Variants in SOCS2 observed in about 807,000 individuals in gnomAD.
SOCS2 encodes the protein suppressor of cytokine signaling 2.
In SOCS2, 10 loss-of-function variants were observed where a neutral mutation model predicts 18.6. That is an observed-to-expected ratio of 0.54 (90% confidence interval 0.33 to 0.91). SOCS2 has a LOEUF of 0.91. Among genes scored for constraint, SOCS2 ranks in the 40% least tolerant of loss-of-function variants. SOCS2 has a pLI of 0.02. For synonymous variants in SOCS2, 104 were observed against 104.0 expected (o/e 1.00, Z 0.00); for missense variants, 231 against 247.2 (o/e 0.93, Z 0.44).
In SOCS2 at chr12:93,574,970, G is replaced by A; in HGVS notation, c.388G>A (p.Val130Ile). The A allele has an allele frequency of 2.5e-6, 4 of 1,614,124 alleles. No individual in the cohort carries two copies. Among genetic ancestry groups the A allele is most frequent in the African/African-American group, 1.3e-5 (1 of 75,008 alleles). Residue 130 changes from valine to isoleucine, a missense_variant, in exon 2 of 2, where the codon GTT (valine) becomes ATT (isoleucine). This residue lies in a region of SOCS2 where 122 missense variants were observed against 127.2 expected (regional missense o/e 0.96). Transcript: ENST00000551556. Reference protein sequence around the residue: ...DSVVHLIDYYVQMCKDKRTGP... With the variant: ...DSVVHLIDYYIQMCKDKRTGP... ...TGTGGTTCATCTGATCGACTACTATGTTCAGATGTGCAAGGATAAGCGGAC... is the reference window on the plus strand; with the variant it reads ...TGTGGTTCATCTGATCGACTACTATATTCAGATGTGCAAGGATAAGCGGAC...
downstream of SOCS2, among the ~76,000 whole-genome samples, chr12:93,587,409 C>T (rs557704860): frequency 6.6e-6 from 1 of 152,230 alleles, no homozygotes; most frequent in East Asian, 1.9e-4. Flanking sequence ...TGGCTGGGCG[C>T]AGTGGCTCAC....
At chr12:93,620,997 G>T in the SOCS2 span, among the ~76,000 whole-genome samples, 1 of 152,174 alleles carries the variant, frequency 6.6e-6, no homozygotes, top group Non-Finnish European at 1.5e-5. Context: ...GCCCAGGTGA[G>T]GAGAGCTGCA....
chr12:93,593,186 A>C, the SOCS2 span, among the ~76,000 whole-genome samples: 1 of 152,082 alleles, frequency 6.6e-6, no homozygotes, highest in Admixed American at 6.6e-5. Context: ...GTGGTTCTGG[A>C]GAGGGAATTA....
Position 93,575,151 on chromosome 12 carries a change from A to T in SOCS2, c.569A>T (p.Tyr190Phe). Residue 190 changes from tyrosine to phenylalanine, a missense_variant, in exon 2 of 2, where the codon TAC becomes TTC. Physicochemically the swap from Tyr to Phe is conservative, Grantham distance 22. Around this residue, in one of 3 missense-constraint regions of SOCS2, gnomAD observed 122 missense variants for 127.2 expected, o/e 0.96. Transcript: ENST00000551556. Reference sequence around the variant, plus strand: ...CCTTTACCAACAAGACTAAAAGATTACTTGGAAGAATATAAATTCCAGGTA... The same window carrying T: ...CCTTTACCAACAAGACTAAAAGATTTCTTGGAAGAATATAAATTCCAGGTA... The part of the protein sequence containing the change: ...GLPLPTRLKD[Y>F]LEEYKFQV The T allele has an allele frequency of 6.4e-7, 1 of 1,555,698 alleles. No homozygotes were observed. The highest frequency in any genetic ancestry group is 8.6e-7 in the Non-Finnish European group (1 of 1,156,444).
chr12:93,574,871 A>G lies in SOCS2; in HGVS notation c.289A>G (p.Ile97Val). The change falls in exon 2 of 2, where the codon ATC (isoleucine) becomes GTC (valine). Residue 97 changes from isoleucine (I) to valine (V), a missense_variant. Transcript: ENST00000551556. ...KTSAGPTNLR[I>V]EYQDGKFRLD... is the part of the protein sequence containing the mutation. ...ATCAGCTGGACCAACTAATCTTCGA[A>G]TCGAATACCAAGACGGAAAATTCAG... 1 of 1,614,230 alleles carries G rather than the reference A, an allele frequency of 6.2e-7. No individual in the cohort carries two copies. The highest frequency in any genetic ancestry group is 8.5e-7 in the Non-Finnish European group (1 of 1,180,042).
At chr12:93,594,852 G>A in the SOCS2 span, among the ~76,000 whole-genome samples, 1 of 152,238 alleles carries the variant, frequency 6.6e-6, no homozygotes, top group East Asian at 1.9e-4. Flanking sequence ...GAATTTTATG[G>A]TTACATAACC....
Position 93,572,757 on chromosome 12 carries a change from A to G in SOCS2, c.-141A>G. 1 of 1,066,932 alleles carries G rather than the reference A, an allele frequency of 9.4e-7. No individual in the cohort carries two copies. Among genetic ancestry groups the G allele is most frequent in the Non-Finnish European group, 1.4e-6 (1 of 716,180 alleles). The allele number at this position is 1,066,932 out of a possible 1,614,324, so 66.1% of individuals were successfully genotyped here. A position where few individuals can be genotyped will look rare whatever the true frequency, so the allele number is the denominator to read the frequency against. ...CCAGGATCTGGGGAGAAAGAGCCCC[A>G]TCCCTTCTCTCTCTGCCACCATTTC... On this transcript the variant is annotated 5_prime_UTR_variant, in exon 1 of 2. Transcript: ENST00000551556. The surrounding 1 kb of genome is among the most constrained non-coding windows in gnomAD (Gnocchi z 5.0).
chr12:93,621,144 GA>G, the SOCS2 span, among the ~76,000 whole-genome samples: 33 of 152,202 alleles, frequency 2.2e-4, no homozygotes, highest in African/African-American at 7.5e-4. Context: ...AGACTATATA[GA>G]TTCCATGTAT....
At chr12:93,577,518 CTTT>C (rs751932008), downstream of SOCS2, among the ~76,000 whole-genome samples, 1,213 of 139,276 alleles carry the variant, frequency 8.7e-3, 9 homozygotes, top group Non-Finnish European at 0.013. Context: ...TATCCTAGCT[CTTT>C]TTTTTTTTTT....
At chr12:93,614,600 T>TTTCG in the SOCS2 span, among the ~76,000 whole-genome samples, 1 of 120,360 alleles carries the variant, frequency 8.3e-6, no homozygotes, top group Non-Finnish European at 1.7e-5. Context: ...TCTTTCTTTC[T>TTTCG]TTCTTTCTTT....
rs1402145060 is a variant in SOCS2 at position 93,574,001 on chromosome 12, G to A, written c.140-721G>A. On this transcript the variant is annotated intron_variant, in intron 1 of 1. Transcript: ENST00000551556. ...AGATGGATGGTTGTGATTGGGTTTG[G>A]ATTAGGGCAAAGTTCAAAAGAGTTT... The A allele has an allele frequency of 1.3e-5, 2 of 152,240 alleles. 1 individual carries two copies. Among genetic ancestry groups the A allele is most frequent in the Non-Finnish European group, 2.9e-5 (2 of 68,078 alleles). The allele number at this position is 152,240 out of a possible 1,614,324, so 9.4% of individuals were successfully genotyped here.
downstream of SOCS2, among the ~76,000 whole-genome samples, chr12:93,580,637 A>G (rs912336702): frequency 1.3e-5 from 2 of 151,568 alleles, no homozygotes; most frequent in Admixed American, 6.6e-5. Context: ...AAAAAAAAAA[A>G]AAAGAAAAGG....
the SOCS2 span, among the ~76,000 whole-genome samples, chr12:93,617,438 GA>G: frequency 3.3e-5 from 5 of 152,150 alleles, no homozygotes; most frequent in Admixed American, 1.3e-4. Flanking sequence ...TTCAGTTTGT[GA>G]AAATTTATTG....
chr12:93,572,874 C>A lies in SOCS2; in HGVS notation c.-24C>A. The A allele has an allele frequency of 6.4e-7, 1 of 1,563,756 alleles. No individual in the cohort carries two copies. Among genetic ancestry groups the A allele is most frequent in the East Asian group, 2.4e-5 (1 of 41,670 alleles). ...GACCCCAGCTCGGGCGGCCACCTGT[C>A]TTTGCCGCGGTGACCCTTCTCTCAT... On this transcript the variant is annotated 5_prime_UTR_variant, in exon 1 of 2. Transcript: ENST00000551556. This position sits in a 1 kb window ranked among gnomAD's most constrained non-coding sequence, Gnocchi z 5.0.
chr12:93,607,474 A>C, the SOCS2 span, among the ~76,000 whole-genome samples: 1 of 151,848 alleles, frequency 6.6e-6, no homozygotes, highest in Non-Finnish European at 1.5e-5. Context: ...CCAGATAAAA[A>C]GGATACACCC....
Position 93,574,971 on chromosome 12 carries a change from T to C in SOCS2, c.389T>C (p.Val130Ala). ...GTGGTTCATCTGATCGACTACTATG[T>C]TCAGATGTGCAAGGATAAGCGGACA... ...DSVVHLIDYY[V>A]QMCKDKRTGP... Residue 130 changes from valine (V) to alanine (A), a missense_variant, in exon 2 of 2, where the codon GTT becomes GCT. By Grantham distance (64) the Val-to-Ala change is moderately conservative. This residue lies in a region of SOCS2 where 122 missense variants were observed against 127.2 expected (regional missense o/e 0.96). Transcript: ENST00000551556. The C allele has an allele frequency of 6.2e-7, 1 of 1,614,172 alleles. No homozygotes were observed. Among genetic ancestry groups the C allele is most frequent in the Non-Finnish European group, 8.5e-7 (1 of 1,180,028 alleles).
chr12:93,595,178 A>G, the SOCS2 span, among the ~76,000 whole-genome samples: 1 of 152,196 alleles, frequency 6.6e-6, no homozygotes, highest in Non-Finnish European at 1.5e-5. Context: ...AAAATAAAAT[A>G]TGCTCAGCTT....
upstream of SOCS2, chr12:93,572,518 T>G (rs1954292077): frequency 7.4e-6 from 3 of 406,900 alleles, no homozygotes; most frequent in East Asian, 1.8e-4. The surrounding 1 kb of genome is among the most constrained non-coding windows in gnomAD (Gnocchi z 5.0). Flanking sequence ...TCTCTTTATC[T>G]TTTCTCTAGA....
chr12:93,602,381 C>T, the SOCS2 span, among the ~76,000 whole-genome samples: 11 of 152,194 alleles, frequency 7.2e-5, no homozygotes, highest in Non-Finnish European at 1.5e-4. Context: ...CAGGCATAAG[C>T]CACTGTCACT....
Sources: allele counts gnomAD v4.1 joint callset (sites outside exome capture counted in the v4.1 genomes callset), GRCh38; gene constraint gnomAD v4.1.1; regional missense constraint gnomAD v4.1.1; non-coding constraint Gnocchi (gnomAD v3.1); transcripts MANE v1.5; gene names NCBI Gene and HGNC (gene_info 2026-07-23, HGNC 2026-07-21).